NEK11: variants seen among roughly 807,000 people sequenced by gnomAD.
NEK11 encodes NIMA related kinase 11, also known as serine/threonine-protein kinase Nek11.
NEK11 carries 72 observed loss-of-function variants against 80.7 expected under a neutral mutation model. The observed-to-expected ratio is 0.89, with a 90% CI of 0.74 to 1.08. The LOEUF (loss-of-function observed/expected upper bound fraction) is 1.08. Among genes scored for constraint, NEK11 ranks in the 50% least tolerant of loss-of-function variants. The pLI is 0.00. For missense variants in NEK11, 764 were observed against 763.6 expected (o/e 1.00, Z -0.01); for synonymous variants, 251 against 260.7 (o/e 0.96, Z 0.36).
chr3:131,200,495 C>G (rs932210765), intron 14 of NEK11, among the ~76,000 whole-genome samples: 1 of 152,154 alleles, frequency 6.6e-6, no homozygotes, highest in African/African-American at 2.4e-5. Context: ...TCCTTAGAAA[C>G]ATGTATGCTT....
chr3:131,108,589 A>G (rs2079563608), intron 4 of NEK11, among the ~76,000 whole-genome samples: 5 of 152,158 alleles, frequency 3.3e-5, no homozygotes, highest in Admixed American at 3.3e-4. Context: ...TAGCAATTGA[A>G]ATACATCAGT....
At chr3:131,268,001 T>C (rs567313046) in intron 16 of NEK11, among the ~76,000 whole-genome samples, 25 of 152,312 alleles carry the variant, frequency 1.6e-4, no homozygotes, top group African/African-American at 5.8e-4. Flanking sequence ...AATCTTGTCT[T>C]CATGCTTTAT....
At chr3:131,057,232 G>A (rs1371152697) in intron 3 of NEK11, among the ~76,000 whole-genome samples, 2 of 151,414 alleles carry the variant, frequency 1.3e-5, no homozygotes, top group African/African-American at 2.4e-5. Context: ...ATTTTTTATG[G>A]CTGCATAGTA....
chr3:131,056,235 A>T (rs2069460511), intron 3 of NEK11, among the ~76,000 whole-genome samples: 1 of 152,178 alleles, frequency 6.6e-6, no homozygotes. Flanking sequence ...ACTGGAATGA[A>T]TGGGCGCTAT....
At chr3:131,203,540 T>A (rs2094324187) in intron 14 of NEK11, among the ~76,000 whole-genome samples, 1 of 149,712 alleles carries the variant, frequency 6.7e-6, no homozygotes, top group Non-Finnish European at 1.5e-5. Flanking sequence ...GTAACAAACC[T>A]GCACTTTGTG....
intron 3 of NEK11, among the ~76,000 whole-genome samples, chr3:131,069,271 C>G (rs2072715912): frequency 6.6e-6 from 1 of 152,126 alleles, no homozygotes; most frequent in Non-Finnish European, 1.5e-5. Flanking sequence ...TTTGTTGCTT[C>G]TTAAAACTCA....
intron 11 of NEK11, chr3:131,165,171 G>A: frequency 2.6e-6 from 1 of 390,446 alleles, no homozygotes; most frequent in Non-Finnish European, 4.6e-6. Context: ...CTCACAGAGA[G>A]GAGCACTGCC....
At chr3:131,273,342 G>A in intron 16 of NEK11, 136 bp from the exon 17 acceptor site, 1 of 613,210 alleles carries the variant, frequency 1.6e-6, no homozygotes, top group African/African-American at 1.8e-5. Context: ...TGTTATAATT[G>A]AATTCATCTC....
chr3:131,089,942 T>G (rs965865513), intron 4 of NEK11, among the ~76,000 whole-genome samples: 1 of 152,190 alleles, frequency 6.6e-6, no homozygotes, highest in African/African-American at 2.4e-5. Context: ...TAACGGAAGC[T>G]TTTTCATTTT....
chr3:131,136,870 A>G (rs1378910883), intron 7 of NEK11, among the ~76,000 whole-genome samples: 7 of 152,250 alleles, frequency 4.6e-5, no homozygotes, highest in Non-Finnish European at 2.9e-5. Context: ...ATTGATTTAA[A>G]CTATGAATAT....
At chr3:131,282,360 G>A (rs1460173850) in intron 17 of NEK11, among the ~76,000 whole-genome samples, 1 of 151,386 alleles carries the variant, frequency 6.6e-6, no homozygotes, top group East Asian at 1.9e-4. Context: ...TGTGGACATT[G>A]TGTTTATAGT....
At chr3:131,331,970 G>A (rs1236496470) in intron 17 of NEK11, among the ~76,000 whole-genome samples, 1 of 152,326 alleles carries the variant, frequency 6.6e-6, no homozygotes, top group South Asian at 2.1e-4. Context: ...GGAAGCTTGA[G>A]CTGGGTGGAG....
intron 4 of NEK11, among the ~76,000 whole-genome samples, chr3:131,080,850 T>C (rs943507488): frequency 2.0e-5 from 3 of 152,162 alleles, no homozygotes; most frequent in Non-Finnish European, 4.4e-5. Context: ...TGGCTCATAC[T>C]TGTAATCCCA....
rs2095570543 is a variant in NEK11, at chr3:131,244,691, G to A, written c.1621+1195G>A. On this transcript the variant is annotated intron_variant, in intron 16 of 17. Coordinates refer to ENST00000383366, the MANE Select transcript of NEK11 (RefSeq NM_024800.5). Reference sequence around the variant, plus strand: ...AATCCCAACGTTTTGGGAGGCTGAGGTGGGAGGATCACTCGAGGTCAGGAG... The same window carrying A: ...AATCCCAACGTTTTGGGAGGCTGAGATGGGAGGATCACTCGAGGTCAGGAG... 2.6e-5 allele frequency among the ~76,000 whole-genome samples: 4 copies of A among 152,210 alleles called. No individual in the cohort carries two copies. The South Asian group carries it at 8.3e-4, about 32-fold the overall frequency.
At chr3:131,062,491 G>A (rs914240539) in intron 3 of NEK11, among the ~76,000 whole-genome samples, 2 of 152,074 alleles carry the variant, frequency 1.3e-5, no homozygotes, top group Non-Finnish European at 2.9e-5. Context: ...TAATAGTTTT[G>A]ACAAATTTGC....
At chr3:131,283,516 CTGTGTGTGTG>C (rs4044351) in intron 17 of NEK11, among the ~76,000 whole-genome samples, 23,566 of 147,308 alleles carry the variant, frequency 0.16, 3,084 homozygotes, top group African/African-American at 0.35. Context: ...CAGGCTATTA[CTGTGTGTGTG>C]TGTGTGTGTG....
At chr3:131,134,345 AT>A (rs1277734373) in intron 7 of NEK11, 2 of 154,992 alleles carry the variant, frequency 1.3e-5, no homozygotes, top group South Asian at 2.1e-4. Context: ...GCTTTTCTAT[AT>A]TTTTTTCTTT....
chr3:131,310,901 A>G (rs2096775377), intron 17 of NEK11, among the ~76,000 whole-genome samples: 1 of 152,112 alleles, frequency 6.6e-6, no homozygotes, highest in South Asian at 2.1e-4. Flanking sequence ...CAGCCTAGTA[A>G]TTGCTTCTAG....
At chr3:131,067,813 G>A (rs1200027262) in intron 3 of NEK11, among the ~76,000 whole-genome samples, 1 of 152,138 alleles carries the variant, frequency 6.6e-6, no homozygotes, top group Non-Finnish European at 1.5e-5. Context: ...TATCATTACT[G>A]GGAACAGAAC....
Sources: gnomAD v4.1 joint callset for allele counts (sites outside exome capture counted in the v4.1 genomes callset) on GRCh38, gnomAD v4.1.1 for gene constraint, MANE v1.5 for transcripts, NCBI Gene and HGNC (gene_info 2026-07-23, HGNC 2026-07-21) for gene names.